Variants in LRBA observed in about 807,000 individuals in gnomAD.
The protein encoded by LRBA is lipopolysaccharide-responsive and beige-like anchor protein.
A neutral mutation model predicts 330.0 loss-of-function variants in LRBA; 176 were observed. The observed-to-expected ratio is 0.53, with a 90% CI of 0.47 to 0.60. The LOEUF is 0.60. Ranked by LOEUF, LRBA falls within the 20% of genes least tolerant of loss-of-function variation. LRBA has a pLI of 0.00. For missense variants in LRBA, 3,259 were observed against 3,444.8 expected (o/e 0.95, Z 1.35); for synonymous variants, 1,230 against 1,193.0 (o/e 1.03, Z -0.64).
At chr4:150,574,268 T>C (rs896234174) in intron 40 of LRBA, among the ~76,000 whole-genome samples, 1 of 152,088 alleles carries the variant, frequency 6.6e-6, no homozygotes, top group African/African-American at 2.4e-5. Context: ...TTTCCATAAA[T>C]CTAAAATATC....
chr4:150,838,998 A>G (rs1331502282), intron 28 of LRBA, among the ~76,000 whole-genome samples: 1 of 152,226 alleles, frequency 6.6e-6, no homozygotes, highest in African/African-American at 2.4e-5. Flanking sequence ...CTCATCTGAC[A>G]AAGGGCTAAT....
intron 47 of LRBA, among the ~76,000 whole-genome samples, chr4:150,357,803 G>C (rs1398899763): frequency 6.6e-6 from 1 of 151,952 alleles, no homozygotes; most frequent in Non-Finnish European, 1.5e-5. Flanking sequence ...AGATACAAAA[G>C]AGAAGTGAGG....
In LRBA at chr4:150,397,845, A is replaced by G. The variant is rs74704472; in HGVS notation, c.7194+17593T>C. Reference sequence around the variant, plus strand: ...ACCTCATAAACTTATTGTGAGACCTAGATGAGTTAATCCATAAATGGCTTA... The same window carrying G: ...ACCTCATAAACTTATTGTGAGACCTGGATGAGTTAATCCATAAATGGCTTA... On this transcript the variant is annotated intron_variant, in intron 47 of 56. Transcript: ENST00000651943. Among the ~76,000 whole-genome samples, 1,298 of 152,306 alleles carry G rather than the reference A, an allele frequency of 8.5e-3. 16 individuals are homozygous for G. The highest frequency in any genetic ancestry group is 0.03 in the African/African-American group (1,235 of 41,554).
intron 22 of LRBA, among the ~76,000 whole-genome samples, chr4:150,857,445 G>C (rs997663484): frequency 2.0e-5 from 3 of 152,150 alleles, no homozygotes; most frequent in Non-Finnish European, 4.4e-5. Context: ...TTTTAAAACA[G>C]TCATTTTGAT....
intron 51 of LRBA, among the ~76,000 whole-genome samples, chr4:150,313,202 T>C (rs1461435192): frequency 6.6e-6 from 1 of 152,038 alleles, no homozygotes; most frequent in Admixed American, 6.6e-5. Flanking sequence ...AAATTCAAGA[T>C]AAAAAAGTAA....
At chr4:150,392,956 T>C (rs952490990) in intron 47 of LRBA, among the ~76,000 whole-genome samples, 12 of 151,716 alleles carry the variant, frequency 7.9e-5, no homozygotes, top group African/African-American at 2.9e-4. Flanking sequence ...CCATGGCACA[T>C]GTATACCTAT....
At chr4:150,514,375 C>T (rs778780129) in intron 40 of LRBA, among the ~76,000 whole-genome samples, 12 of 151,958 alleles carry the variant, frequency 7.9e-5, no homozygotes, top group Non-Finnish European at 1.5e-5. Context: ...TGCCGGGCCC[C>T]TTTCATAGTT....
chr4:150,728,242 G>A (rs529653700), intron 36 of LRBA, among the ~76,000 whole-genome samples: 1 of 152,088 alleles, frequency 6.6e-6, no homozygotes, highest in East Asian at 1.9e-4. Flanking sequence ...GAAAAGCCTG[G>A]GGCCAGATGG....
At chr4:151,009,167 G>C (rs1744513679) in intron 2 of LRBA, among the ~76,000 whole-genome samples, 1 of 149,590 alleles carries the variant, frequency 6.7e-6, no homozygotes, top group African/African-American at 2.5e-5. Context: ...ACTGTGCCCA[G>C]CTCAAATTTT....
Position 150,333,598 on chromosome 4 carries a change from T to A in LRBA, c.7363-7700A>T, listed in dbSNP as rs147833126. ...ACTAAGACCATCCAGTGATGTCTAC[T>A]GTGGTATCATACCATTACTTGTGCC... On this transcript the variant is annotated intron_variant, in intron 48 of 56. Transcript: ENST00000651943. Among the ~76,000 whole-genome samples the A allele has an allele frequency of 3.9e-5, 6 of 152,306 alleles. No individual in the cohort carries two copies. In the East Asian group the frequency reaches 1.2e-3, roughly 29 times the overall value.
intron 37 of LRBA, among the ~76,000 whole-genome samples, chr4:150,650,871 T>C (rs1047798844): frequency 1.3e-5 from 2 of 152,010 alleles, no homozygotes; most frequent in East Asian, 1.9e-4. Context: ...CATTAGAACT[T>C]GGGGAGAGAA....
intron 36 of LRBA, among the ~76,000 whole-genome samples, chr4:150,706,722 A>C (rs1343064978): frequency 1.3e-4 from 19 of 151,800 alleles, no homozygotes; most frequent in Admixed American, 1.2e-3. Context: ...TCCTTAATAC[A>C]TGCAGAGCTT....
At chr4:150,982,563 T>C (rs1438785004) in intron 2 of LRBA, among the ~76,000 whole-genome samples, 2 of 151,198 alleles carry the variant, frequency 1.3e-5, no homozygotes, top group African/African-American at 4.9e-5. Context: ...AATGCTAGGA[T>C]TATCAGAGAT....
intron 35 of LRBA, among the ~76,000 whole-genome samples, chr4:150,745,321 G>C (rs1176581408): frequency 6.6e-6 from 1 of 151,858 alleles, no homozygotes; most frequent in Non-Finnish European, 1.5e-5. Flanking sequence ...AATAAAATTA[G>C]AACATAAGAA....
intron 48 of LRBA, among the ~76,000 whole-genome samples, chr4:150,341,408 T>C (rs1368240303): frequency 6.6e-6 from 1 of 152,088 alleles, no homozygotes; most frequent in African/African-American, 2.4e-5. Flanking sequence ...CCTCAAGCAG[T>C]CCTCCTGCCT....
In LRBA at chr4:150,681,553, G is replaced by C. The variant is rs1219197297; in HGVS notation, c.5921+1998C>G. Reference sequence around the variant, plus strand: ...ATACAGAACTAAATATAATGACAAAGAAATATGAACATACAGGCAATGTGC... The same window carrying C: ...ATACAGAACTAAATATAATGACAAACAAATATGAACATACAGGCAATGTGC... On this transcript the variant is annotated intron_variant, in intron 37 of 56. Coordinates refer to ENST00000651943, the MANE Select transcript of LRBA (RefSeq NM_001364905.1). Among the ~76,000 whole-genome samples the C allele has an allele frequency of 3.3e-5, 5 of 152,228 alleles. No homozygotes were observed. The East Asian group carries it at 9.6e-4, about 29-fold the overall frequency.
rs1356320010 is a variant in LRBA at position 150,264,998 on chromosome 4, A to AAAAAC, written c.*719_*723dup. 6.5e-5 allele frequency: 10 copies of AAAAAC among 152,686 alleles called. No individual in the cohort carries two copies. Among genetic ancestry groups the AAAAAC allele is most frequent in the South Asian group, 2.1e-4 (1 of 4,836 alleles). The allele number at this position is 152,686 out of a possible 1,614,324, so 9.5% of individuals were successfully genotyped here. The stretch of plus-strand genomic sequence containing the variant: ...TTGGTACTTGCATTTACTTTAAAAG[A>AAAAAC]AAAACAAATGTTGTGAGCTCAAGAG... On this transcript the variant is annotated 3_prime_UTR_variant, in exon 57 of 57. Transcript: ENST00000651943.
chr4:150,685,420 A>ATATATATATATACTT (rs1561514146), intron 36 of LRBA, among the ~76,000 whole-genome samples: 1 of 17,436 alleles, frequency 5.7e-5, no homozygotes, highest in African/African-American at 2.4e-4. Flanking sequence ...ATATATATAT[A>ATATATATATATACTT]TTTTTTTTTT....
intron 33 of LRBA, among the ~76,000 whole-genome samples, chr4:150,805,440 AGGAAAG>A (rs1560841852): frequency 1.1e-5 from 1 of 87,568 alleles, no homozygotes; most frequent in Non-Finnish European, 2.2e-5. Flanking sequence ...AAGGAAAGGA[AGGAAAG>A]GGAAAGGAAA....
Sources: gnomAD v4.1 joint callset for allele counts (sites outside exome capture counted in the v4.1 genomes callset) on GRCh38, gnomAD v4.1.1 for gene constraint, MANE v1.5 for transcripts, NCBI Gene and HGNC (gene_info 2026-07-23, HGNC 2026-07-21) for gene names.